Variants in SESN1 observed in about 807,000 individuals in gnomAD.
SESN1 encodes the protein sestrin-1.
SESN1 carries 30 observed loss-of-function variants against 59.3 expected under a neutral mutation model. The observed-to-expected ratio is 0.51, with a 90% CI of 0.38 to 0.69. The LOEUF is 0.69. Ranked by LOEUF, SESN1 falls within the 30% of genes least tolerant of loss-of-function variation. The pLI is 0.00. For missense variants in SESN1, 566 were observed against 673.0 expected (o/e 0.84, Z 1.76); for synonymous variants, 197 against 219.9 (o/e 0.90, Z 0.92).
rs1779417096 is a variant in SESN1 at position 108,992,860 on chromosome 6, T to C, written c.1160A>G (p.His387Arg). The C allele has an allele frequency of 6.2e-7, 1 of 1,613,636 alleles. No homozygotes were observed. The highest frequency in any genetic ancestry group is 2.2e-5 in the East Asian group (1 of 44,808). ...ATAGCCATAACTAGTATCCTCAAAA[T>C]GACGAGATACAGCTCTTGCTGGTGT... Reference protein sequence around the residue: ...EVTPARAVSRHFEDTSYGYKD... With the variant: ...EVTPARAVSRRFEDTSYGYKD... Residue 387 changes from histidine (H) to arginine (R), a missense_variant, in exon 7 of 10, where the codon CAT becomes CGT. Physicochemically the swap from His to Arg is conservative, Grantham distance 29 (BLOSUM62 0). Coordinates refer to ENST00000436639, the MANE Select transcript of SESN1 (RefSeq NM_014454.3).
chr6:109,091,394 A>G (rs981739246), intron 1 of SESN1, among the ~76,000 whole-genome samples: 2 of 152,168 alleles, frequency 1.3e-5, no homozygotes, highest in Non-Finnish European at 2.9e-5. Context: ...GTGTATCACC[A>G]TCATTAAGTG....
At chr6:109,053,133 T>G (rs1156748764) in intron 1 of SESN1, among the ~76,000 whole-genome samples, 2 of 152,152 alleles carry the variant, frequency 1.3e-5, no homozygotes, top group Non-Finnish European at 2.9e-5. Context: ...GTCTAACATT[T>G]AAGAAGTACT....
chr6:109,049,923 C>T (rs1302425496), intron 1 of SESN1, among the ~76,000 whole-genome samples: 2 of 151,924 alleles, frequency 1.3e-5, no homozygotes, highest in Non-Finnish European at 2.9e-5. Flanking sequence ...CCATGTCTGA[C>T]TTTGGTTTGA....
chr6:109,023,986 C>T (rs199971930), intron 1 of SESN1, among the ~76,000 whole-genome samples: 30 of 152,074 alleles, frequency 2.0e-4, no homozygotes, highest in East Asian at 1.7e-3. Context: ...CACACACACA[C>T]CCTTAAAATG....
intron 1 of SESN1, among the ~76,000 whole-genome samples, chr6:109,086,802 T>C (rs1781219788): frequency 6.6e-6 from 1 of 152,208 alleles, no homozygotes; most frequent in Admixed American, 6.5e-5. Context: ...GTTTTTTTCA[T>C]GTTAGAGGCC....
intron 1 of SESN1, chr6:109,008,684 T>G: frequency 1.4e-6 from 1 of 702,724 alleles, no homozygotes; most frequent in Non-Finnish European, 1.7e-6. Context: ...GTTACATTAG[T>G]AACTTTCAAA....
intron 1 of SESN1, among the ~76,000 whole-genome samples, chr6:109,076,132 T>C (rs1781028146): frequency 6.6e-6 from 1 of 152,250 alleles, no homozygotes; most frequent in South Asian, 2.1e-4. Context: ...TCTAAGTGCA[T>C]GTGTGGTTTC....
In SESN1 at chr6:109,027,772, G is replaced by T. The variant is rs537121621; in HGVS notation, c.280-25429C>A. 1.4e-3 allele frequency among the ~76,000 whole-genome samples: 213 copies of T among 152,254 alleles called. 1 individual carries two copies. The highest frequency in any genetic ancestry group is 4.9e-3 in the African/African-American group (202 of 41,560). ...CATTATCTGGCCCAAGATGCCTAAT[G>T]TAGCAATATCTCATTGTGATTTTAA... On this transcript the variant is annotated intron_variant, in intron 1 of 9. Coordinates refer to ENST00000436639, the MANE Select transcript of SESN1 (RefSeq NM_014454.3).
At chr6:109,077,694 G>C (rs888759033) in intron 1 of SESN1, among the ~76,000 whole-genome samples, 1 of 152,150 alleles carries the variant, frequency 6.6e-6, no homozygotes, top group African/African-American at 2.4e-5. Flanking sequence ...TTCTCAATGA[G>C]AATGCCTAGG....
chr6:109,002,020 T>A (rs1214056512), intron 2 of SESN1, among the ~76,000 whole-genome samples: 1 of 124,030 alleles, frequency 8.1e-6, no homozygotes. Flanking sequence ...AAGCAGATGT[T>A]GTATCACTGG....
chr6:109,056,982 TCA>T (rs1464295661), intron 1 of SESN1, among the ~76,000 whole-genome samples: 4 of 152,272 alleles, frequency 2.6e-5, no homozygotes, highest in Admixed American at 6.5e-5. Flanking sequence ...CTCTCCCAGA[TCA>T]TTTGCTCTGA....
rs147702661 is a variant in SESN1 at position 109,034,430 on chromosome 6, T to C, written c.280-32087A>G. On this transcript the variant is annotated intron_variant, in intron 1 of 9. Transcript: ENST00000436639. Reference sequence around the variant, plus strand: ...TATATTTTAAATACAATATTGAATATTATCTCTTATTTATCAATTCTTTGA... The same window carrying C: ...TATATTTTAAATACAATATTGAATACTATCTCTTATTTATCAATTCTTTGA... 7.6e-4 allele frequency among the ~76,000 whole-genome samples: 116 copies of C among 152,334 alleles called. No homozygotes were observed. In the East Asian group the frequency reaches 7.9e-3, roughly 10 times the overall value.
chr6:109,051,617 T>A (rs943186967), intron 1 of SESN1, among the ~76,000 whole-genome samples: 2 of 152,234 alleles, frequency 1.3e-5, no homozygotes, highest in Non-Finnish European at 2.9e-5. Flanking sequence ...TTTTCTTTTT[T>A]TCTGTAATTG....
At chr6:109,015,623 A>T (rs916583692) in intron 1 of SESN1, among the ~76,000 whole-genome samples, 1 of 152,210 alleles carries the variant, frequency 6.6e-6, no homozygotes, top group Non-Finnish European at 1.5e-5. Context: ...GAGTTAAATA[A>T]GAAGGAATGG....
At chr6:109,045,055 C>A (rs1780404686) in intron 1 of SESN1, among the ~76,000 whole-genome samples, 1 of 151,958 alleles carries the variant, frequency 6.6e-6, no homozygotes, top group African/African-American at 2.4e-5. Context: ...ATCACCTTCC[C>A]CAAACCCATT....
At position 109,058,318 on chromosome 6, in the gene SESN1, A is replaced by T. The variant is rs189498889; in HGVS notation, c.279+35477T>A. ...AGGCTTAGATATATTTAGATATACAAATAATTACCATTGTGTTACAACTGC... is the reference window on the plus strand; with the variant it reads ...AGGCTTAGATATATTTAGATATACATATAATTACCATTGTGTTACAACTGC... On this transcript the variant is annotated intron_variant, in intron 1 of 9. Transcript: ENST00000436639. Among the ~76,000 whole-genome samples, 35 of 152,272 alleles carry T rather than the reference A, an allele frequency of 2.3e-4. No individual in the cohort carries two copies. The East Asian group carries it at 6.4e-3, about 28-fold the overall frequency.
intron 1 of SESN1, among the ~76,000 whole-genome samples, chr6:109,053,947 T>C (rs1397591903): frequency 1.3e-5 from 2 of 152,164 alleles, no homozygotes; most frequent in African/African-American, 4.8e-5. Flanking sequence ...TCTGGGCAAT[T>C]ACCTTTACTT....
At chr6:109,051,847 C>CAAAGACA (rs893724833) in intron 1 of SESN1, among the ~76,000 whole-genome samples, 1 of 152,168 alleles carries the variant, frequency 6.6e-6, no homozygotes, top group Non-Finnish European at 1.5e-5. Flanking sequence ...AGAAGACAGT[C>CAAAGACA]GAACAAAGGC....
intron 1 of SESN1, among the ~76,000 whole-genome samples, chr6:109,049,056 G>A (rs1333652939): frequency 6.6e-6 from 1 of 152,134 alleles, no homozygotes; most frequent in African/African-American, 2.4e-5. Context: ...TAGAACATGT[G>A]TATGAATAAA....
Sources: allele counts gnomAD v4.1 joint callset (sites outside exome capture counted in the v4.1 genomes callset), GRCh38; gene constraint gnomAD v4.1.1; transcripts MANE v1.5; gene names NCBI Gene and HGNC (gene_info 2026-07-23, HGNC 2026-07-21).